The following CCDC88A variants were observed in gnomAD, a reference collection of about 807,000 sequenced individuals.
CCDC88A encodes the protein coiled-coil and HOOK domain protein 88A.
CCDC88A carries 54 observed loss-of-function variants against 234.3 expected under a neutral mutation model. The observed-to-expected ratio is 0.23, with a 90% CI of 0.19 to 0.29. CCDC88A has a LOEUF of 0.29. Among genes scored for constraint, CCDC88A ranks in the 10% least tolerant of loss-of-function variants. The pLI is 1.00. For synonymous variants in CCDC88A, 753 were observed against 737.8 expected, an observed-to-expected ratio of 1.02 and a Z score of -0.33; for missense variants, 1,832 against 2,123.4, an observed-to-expected ratio of 0.86 and a Z score of 2.70.
At position 55,322,625 on chromosome 2, in the gene CCDC88A, G is replaced by A; in HGVS notation, c.3065C>T (p.Pro1022Leu). The A allele has an allele frequency of 6.2e-7, 1 of 1,602,292 alleles. No individual in the cohort carries two copies. Among genetic ancestry groups the A allele is most frequent in the Non-Finnish European group, 8.5e-7 (1 of 1,171,434 alleles). ...CCATTTGTTGTCTTCACCAGATATT[G>A]GAGGAGAGCTCTGTACCATCCTTTC... ...DEERMVQSSP[P>L]ISGEDNKWER... Residue 1022 changes from proline to leucine, a missense_variant, in exon 18 of 33, where the codon CCA becomes CTA. By Grantham distance (98) the Pro-to-Leu change is moderately conservative. This residue lies in a region of CCDC88A where 1,282 missense variants were observed against 1,543.6 expected (regional missense o/e 0.83). Coordinates refer to ENST00000436346, the MANE Select transcript of CCDC88A (RefSeq NM_001365480.1).
chr2:55,336,961 C>A, intron 13 of CCDC88A, 143 bp from the exon 14 acceptor site: 1 of 523,902 alleles, frequency 1.9e-6, no homozygotes, highest in Non-Finnish European at 3.3e-6. Context: ...TATAGAAATT[C>A]AAGTAGCATT....
At chr2:55,388,752 C>A (rs199552903) in intron 3 of CCDC88A, 26 bp downstream of exon 3, 1 of 866,146 alleles carries the variant, frequency 1.2e-6, no homozygotes, top group South Asian at 1.5e-5. Context: ...TTATTAAAAC[C>A]CCAGATTTTT....
chr2:55,305,939 G>T (rs1047733779), intron 25 of CCDC88A, among the ~76,000 whole-genome samples: 4 of 151,676 alleles, frequency 2.6e-5, no homozygotes. Context: ...TTTTGAGATG[G>T]AGTCTCGCTC....
In CCDC88A at chr2:55,355,620, C is replaced by T. The variant is rs2104763227; in HGVS notation, c.759G>A (p.Leu253=). 1.4e-5 allele frequency: 22 copies of T among 1,614,096 alleles called. No individual in the cohort carries two copies. Among genetic ancestry groups the T allele is most frequent in the Non-Finnish European group, 1.8e-5 (21 of 1,179,990 alleles). ...TESRQHLSVE[L]ADAKAKIRRL... ...TTCTTATCTTGGCTTTAGCATCTGCCAGTTCCACCGACAGATGTTGTCGAC... is the reference window on the plus strand; with the variant it reads ...TTCTTATCTTGGCTTTAGCATCTGCTAGTTCCACCGACAGATGTTGTCGAC... Residue 253 remains leucine (L), a synonymous_variant, in exon 8 of 33, where the codon CTG becomes CTA. Coordinates refer to ENST00000436346, the MANE Select transcript of CCDC88A (RefSeq NM_001365480.1).
At chr2:55,363,792 A>C in intron 6 of CCDC88A, 158 bp downstream of exon 6, 2 of 503,092 alleles carry the variant, frequency 4.0e-6, no homozygotes, top group East Asian at 3.2e-5. Flanking sequence ...GTAAGAAACT[A>C]TCTCTAAAGA....
In CCDC88A at chr2:55,296,073, T is replaced by G. The variant is rs772361552; in HGVS notation, c.5092-17A>C. ...GGACTTTATCTGTTTAAAAAAAAAT[T>G]CAAAGCAGATTAGTGAATATAGTGC... On this transcript the variant is annotated splice_polypyrimidine_tract_variant and intron_variant, in intron 30 of 32. Transcript: ENST00000436346. 3 of 1,547,828 alleles carry G rather than the reference T, an allele frequency of 1.9e-6. No homozygotes were observed. In the African/African-American group the frequency reaches 4.2e-5, roughly 22 times the overall value.
intron 12 of CCDC88A, among the ~76,000 whole-genome samples, chr2:55,340,973 A>G (rs986705859): frequency 6.6e-6 from 1 of 152,038 alleles, no homozygotes; most frequent in African/African-American, 2.4e-5. Context: ...TCAACTCCTC[A>G]GCCTCTGGTA....
intron 25 of CCDC88A, among the ~76,000 whole-genome samples, chr2:55,306,391 A>C (rs6747974): frequency 0.084 from 12,824 of 152,154 alleles, 1,260 homozygotes; most frequent in African/African-American, 0.24. Flanking sequence ...CCAGGGTAAC[A>C]ATAATTTTAT....
intron 5 of CCDC88A, among the ~76,000 whole-genome samples, chr2:55,365,488 C>A (rs1169283863): frequency 1.3e-5 from 2 of 152,144 alleles, no homozygotes; most frequent in African/African-American, 4.8e-5. Context: ...AATTCAACTG[C>A]CGTATCTTTC....
At chr2:55,339,720 A>C (rs1415315169) in intron 12 of CCDC88A, 72 bp from the exon 13 acceptor site, 25 of 1,350,416 alleles carry the variant, frequency 1.9e-5, no homozygotes, top group Non-Finnish European at 2.5e-5. Context: ...TTACTATTTA[A>C]AAAGTTGAGT....
At chr2:55,330,589 A>G (rs1684801357) in intron 16 of CCDC88A, among the ~76,000 whole-genome samples, 1 of 151,980 alleles carries the variant, frequency 6.6e-6, no homozygotes. Flanking sequence ...TATGTCTGTG[A>G]GTTTCTGGGT....
At chr2:55,339,846 T>A (rs887875472) in intron 12 of CCDC88A, 198 bp from the exon 13 acceptor site, 4 of 457,894 alleles carry the variant, frequency 8.7e-6, no homozygotes, top group Non-Finnish European at 1.5e-5. Context: ...TTCTTTTTTT[T>A]AAAGAGACGG....
intron 25 of CCDC88A, among the ~76,000 whole-genome samples, chr2:55,305,248 G>A (rs1433665567): frequency 6.6e-6 from 1 of 152,266 alleles, no homozygotes; most frequent in South Asian, 2.1e-4. Flanking sequence ...CAGGATAAAA[G>A]GAGTTTTATA....
At chr2:55,398,122 C>A (rs552872502) in intron 2 of CCDC88A, among the ~76,000 whole-genome samples, 42 of 151,930 alleles carry the variant, frequency 2.8e-4, no homozygotes, top group Non-Finnish European at 5.4e-4. Context: ...TTTTTATATC[C>A]CTTCACAAAA....
chr2:55,394,152 C>T (rs1165631473), intron 2 of CCDC88A: 1 of 152,116 alleles, frequency 6.6e-6, no homozygotes, highest in Admixed American at 6.5e-5. Flanking sequence ...TTGTTCAATT[C>T]CCACCTGTGA....
chr2:55,326,867 A>T (rs116529970), intron 17 of CCDC88A, among the ~76,000 whole-genome samples: 2 of 152,330 alleles, frequency 1.3e-5, no homozygotes, highest in Non-Finnish European at 2.9e-5. Flanking sequence ...CACCGCACCC[A>T]GCCTAATGAT....
intron 25 of CCDC88A, among the ~76,000 whole-genome samples, chr2:55,306,413 G>A (rs1681570969): frequency 6.6e-6 from 1 of 151,940 alleles, no homozygotes; most frequent in African/African-American, 2.4e-5. Context: ...TGGGGATATA[G>A]AATTATAAAA....
intron 2 of CCDC88A, among the ~76,000 whole-genome samples, chr2:55,408,361 T>G (rs1396164629): frequency 6.6e-6 from 1 of 152,074 alleles, no homozygotes; most frequent in East Asian, 1.9e-4. Flanking sequence ...CTAGGTAAAA[T>G]AAAGCTATGA....
intron 2 of CCDC88A, among the ~76,000 whole-genome samples, chr2:55,395,682 C>T (rs1350394732): frequency 9.2e-5 from 14 of 152,184 alleles, no homozygotes; most frequent in Non-Finnish European, 1.5e-4. Context: ...AACAACTCAG[C>T]TGGCAGCCTG....
Sources: allele counts gnomAD v4.1 joint callset (sites outside exome capture counted in the v4.1 genomes callset), GRCh38; gene constraint gnomAD v4.1.1; regional missense constraint gnomAD v4.1.1; transcripts MANE v1.5; gene names NCBI Gene and HGNC (gene_info 2026-07-23, HGNC 2026-07-21).